The following SFTPA1 variants were observed in gnomAD, a reference collection of about 807,000 sequenced individuals.
SFTPA1 encodes the protein surfactant protein A1.
Under a neutral mutation model 19.1 loss-of-function variants are expected in SFTPA1, and 13 were observed. The observed-to-expected ratio is 0.68, with a 90% CI of 0.44 to 1.08. SFTPA1 has a LOEUF of 1.08. SFTPA1 is among the 50% of genes least tolerant of loss of function. The pLI is 0.00. For missense variants in SFTPA1, 259 were observed against 316.4 expected (o/e 0.82, Z 1.38); for synonymous variants, 101 against 117.0 (o/e 0.86, Z 0.88).
At position 79,611,338 on chromosome 10, in the gene SFTPA1, C is replaced by A. The variant is rs1431825802; in HGVS notation, c.-75C>A. 19 of 407,168 alleles carry A rather than the reference C, an allele frequency of 4.7e-5. No individual in the cohort carries two copies. In the East Asian group the frequency reaches 6.3e-4, roughly 14 times the overall value. 25.2% of individuals were successfully genotyped at this position (407,168 alleles called of 1,614,324 possible). On this transcript the variant is annotated 5_prime_UTR_variant, in exon 2 of 6. In the 5' UTR this introduces an upstream ATG that the reference lacks. Coordinates refer to ENST00000398636, the MANE Select transcript of SFTPA1 (RefSeq NM_005411.5). ...TCTCAGGTCGCTGATTTCTTGGAGC[C>A]TGAAAAGAAAGTAACACAGCAGGGA...
At chr10:79,612,020 C>T (rs1204156439) in intron 3 of SFTPA1, 23 bp downstream of exon 3, 8 of 1,611,730 alleles carry the variant, frequency 5.0e-6, no homozygotes, top group African/African-American at 2.7e-5. Flanking sequence ...AGACCCCACC[C>T]TCAGCTGAGG....
Position 79,615,099 on chromosome 10 carries a change from C to T in SFTPA1, c.*986C>T. 7.7e-7 allele frequency: 1 copy of T among 1,304,564 alleles called. No homozygotes were observed. Among genetic ancestry groups the T allele is most frequent in the Non-Finnish European group, 1.0e-6 (1 of 988,548 alleles). The allele number at this position is 1,304,564 out of a possible 1,614,324, so 80.8% of individuals were successfully genotyped here. On this transcript the variant is annotated 3_prime_UTR_variant, in exon 6 of 6. Coordinates refer to ENST00000398636, the MANE Select transcript of SFTPA1 (RefSeq NM_005411.5). ...ATACTTGTTGCTGTCACAGTTATTA[C>T]CATCCCCCCAGCTACCAAAATTACT...
At chr10:79,613,366 C>A (rs984527957) in intron 5 of SFTPA1, 100 bp downstream of exon 5, 59 of 1,543,012 alleles carry the variant, frequency 3.8e-5, no homozygotes, top group Non-Finnish European at 4.8e-5. Flanking sequence ...AATAGGCATG[C>A]ACATGCAGGT....
chr10:79,612,497 G>A (rs1859918582), intron 4 of SFTPA1, 66 bp downstream of exon 4: 3 of 1,601,920 alleles, frequency 1.9e-6, no homozygotes, highest in Admixed American at 1.7e-5. Flanking sequence ...CAGTTACACG[G>A]GGATGATGGG....
In SFTPA1 at chr10:79,611,326, A is replaced by T; in HGVS notation, c.-87A>T. 1 of 393,280 alleles carries T rather than the reference A, an allele frequency of 2.5e-6. No homozygotes were observed. The allele number at this position is 393,280 out of a possible 1,614,324, so 24.4% of individuals were successfully genotyped here. On this transcript the variant is annotated 5_prime_UTR_variant, in exon 2 of 6. Transcript: ENST00000398636. ...ATCTTTTTTCATTCTCAGGTCGCTG[A>T]TTTCTTGGAGCCTGAAAAGAAAGTA...
Position 79,611,662 on chromosome 10 carries a change from G to A in SFTPA1, c.-23-141G>A, listed in dbSNP as rs550980950. On this transcript the variant is annotated intron_variant, in intron 2 of 5. Coordinates refer to ENST00000398636, the MANE Select transcript of SFTPA1 (RefSeq NM_005411.5). Reference sequence around the variant, plus strand: ...GCCAGGTGATGCTGGGAATTTTCCCGGGAGCTTCGGGTCTTCCCAGCACTC... The same window carrying A: ...GCCAGGTGATGCTGGGAATTTTCCCAGGAGCTTCGGGTCTTCCCAGCACTC... 3.2e-6 allele frequency: 5 copies of A among 1,565,244 alleles called. No homozygotes were observed. The East Asian group carries it at 7.2e-5, about 22-fold the overall frequency.
In SFTPA1 at chr10:79,615,128, A is replaced by G. The variant is rs1860090798; in HGVS notation, c.*1015A>G. 1 of 1,298,016 alleles carries G rather than the reference A, an allele frequency of 7.7e-7. No homozygotes were observed. Among genetic ancestry groups the G allele is most frequent in the East Asian group, 5.5e-5 (1 of 18,022 alleles). 80.4% of individuals were successfully genotyped at this position (1,298,016 alleles called of 1,614,324 possible). On this transcript the variant is annotated 3_prime_UTR_variant, in exon 6 of 6. Coordinates refer to ENST00000398636, the MANE Select transcript of SFTPA1 (RefSeq NM_005411.5). ...CCCCCCAGCTACCAAAATTACTACC[A>G]GAACTGTTACTATACACAGAGGCTA...
intron 3 of SFTPA1, 36 bp downstream of exon 3, chr10:79,612,033 C>A (rs754138525): frequency 5.0e-6 from 8 of 1,610,156 alleles, no homozygotes; most frequent in Admixed American, 1.7e-5. Flanking sequence ...AGCTGAGGGA[C>A]ACAGACCCCT....
Position 79,611,787 on chromosome 10 carries a change from G to T in SFTPA1, c.-23-16G>T. ...GGCAGAGGTGGCAGATGGGCTCACG[G>T]CCATCCCTCCTGCAGGAGCAGCGAC... On this transcript the variant is annotated splice_polypyrimidine_tract_variant and intron_variant, in intron 2 of 5. Transcript: ENST00000398636. 1 of 1,613,964 alleles carries T rather than the reference G, an allele frequency of 6.2e-7. No individual in the cohort carries two copies. Among genetic ancestry groups the T allele is most frequent in the Non-Finnish European group, 8.5e-7 (1 of 1,179,866 alleles).
chr10:79,611,693 T>C (rs1360389957), intron 2 of SFTPA1, 110 bp from the exon 3 acceptor site: 20 of 1,594,968 alleles, frequency 1.3e-5, no homozygotes, highest in Non-Finnish European at 9.4e-6. Flanking sequence ...CACTCTGGTC[T>C]CGCCCGCCCT....
chr10:79,612,526 G>C (rs1323776464), intron 4 of SFTPA1, 95 bp downstream of exon 4: 2 of 1,573,970 alleles, frequency 1.3e-6, no homozygotes. Context: ...AAACCCTACA[G>C]GTTCCCCAAG....
Position 79,613,719 on chromosome 10 carries a change from G to T in SFTPA1, c.371-18G>T. 6.2e-7 allele frequency: 1 copy of T among 1,613,950 alleles called. No homozygotes were observed. Among genetic ancestry groups the T allele is most frequent in the South Asian group, 1.1e-5 (1 of 91,068 alleles). On this transcript the variant is annotated intron_variant, in intron 5 of 5. Transcript: ENST00000398636. ...GACAAAGTGGTCAGTGGCCTGACCCGGACTCCTCTGCTCTCAGCCCTCAGT... is the reference window on the plus strand; with the variant it reads ...GACAAAGTGGTCAGTGGCCTGACCCTGACTCCTCTGCTCTCAGCCCTCAGT...
Position 79,614,694 on chromosome 10 carries a change from A to C in SFTPA1, c.*581A>C. ...TTAGAAGGCCAGGTAGTGTTCCAGC[A>C]GGGTGGTGGCCAAGCCAACCCCATG... On this transcript the variant is annotated 3_prime_UTR_variant, in exon 6 of 6. Coordinates refer to ENST00000398636, the MANE Select transcript of SFTPA1 (RefSeq NM_005411.5). The C allele has an allele frequency of 3.5e-6, 1 of 289,608 alleles. No homozygotes were observed. Among genetic ancestry groups the C allele is most frequent in the Non-Finnish European group, 6.9e-6 (1 of 144,628 alleles). 17.9% of individuals were successfully genotyped at this position (289,608 alleles called of 1,614,324 possible).
At position 79,614,443 on chromosome 10, in the gene SFTPA1, C is replaced by T; in HGVS notation, c.*330C>T. 1 of 380,166 alleles carries T rather than the reference C, an allele frequency of 2.6e-6. No individual in the cohort carries two copies. The highest frequency in any genetic ancestry group is 5.0e-6 in the Non-Finnish European group (1 of 200,526). The allele number at this position is 380,166 out of a possible 1,614,324, so 23.5% of individuals were successfully genotyped here. Reference sequence around the variant, plus strand: ...CACTTACAGATGGCAGCAGTGAGGTCTTGGGGTAGAAGGACCCTCCAAAGT... The same window carrying T: ...CACTTACAGATGGCAGCAGTGAGGTTTTGGGGTAGAAGGACCCTCCAAAGT... On this transcript the variant is annotated 3_prime_UTR_variant, in exon 6 of 6. Coordinates refer to ENST00000398636, the MANE Select transcript of SFTPA1 (RefSeq NM_005411.5).
In SFTPA1 at chr10:79,614,796, C is replaced by T. The variant is rs1194372505; in HGVS notation, c.*683C>T. 2 of 377,296 alleles carry T rather than the reference C, an allele frequency of 5.3e-6. No individual in the cohort carries two copies. Among genetic ancestry groups the T allele is most frequent in the East Asian group, 1.5e-4 (2 of 13,522 alleles). The allele number at this position is 377,296 out of a possible 1,614,324, so 23.4% of individuals were successfully genotyped here. ...CTGACCTGAAGACAGCCAGCCTAGG[C>T]CTCTAGGGTGACCTAGAGCCGCCTT... On this transcript the variant is annotated 3_prime_UTR_variant, in exon 6 of 6. Coordinates refer to ENST00000398636, the MANE Select transcript of SFTPA1 (RefSeq NM_005411.5).
chr10:79,613,381 G>A, intron 5 of SFTPA1, 115 bp downstream of exon 5: 1 of 1,506,312 alleles, frequency 6.6e-7, no homozygotes, highest in South Asian at 1.1e-5. Context: ...GCAGGTCTTG[G>A]GGAAAGGAAT....
intron 3 of SFTPA1, 95 bp downstream of exon 3, chr10:79,612,092 G>C: frequency 6.3e-7 from 1 of 1,582,816 alleles, no homozygotes; most frequent in Non-Finnish European, 8.6e-7. Flanking sequence ...GCCATAGTGA[G>C]CTGGGGGCTA....
At chr10:79,612,893 C>G (rs1051207520) in intron 4 of SFTPA1, among the ~76,000 whole-genome samples, 1 of 114,320 alleles carries the variant, frequency 8.7e-6, no homozygotes, top group African/African-American at 3.0e-5. Flanking sequence ...GTGGAGGGTG[C>G]GGGAGAGGGA....
rs1860081400 is a variant in SFTPA1 at position 79,614,906 on chromosome 10, AC to A, written c.*795del. 1.5e-5 allele frequency: 16 copies of A among 1,078,904 alleles called. No homozygotes were observed. The South Asian group carries it at 2.2e-4, about 15-fold the overall frequency. 66.8% of individuals were successfully genotyped at this position (1,078,904 alleles called of 1,614,324 possible). ...AGTGGGCATTCACACCACCCCCCAC[AC>A]CACTGGCTCTGCTTTCTCCTTTCAT... On this transcript the variant is annotated 3_prime_UTR_variant, in exon 6 of 6. Coordinates refer to ENST00000398636, the MANE Select transcript of SFTPA1 (RefSeq NM_005411.5).
Sources: gnomAD v4.1 joint callset for allele counts (sites outside exome capture counted in the v4.1 genomes callset) on GRCh38, gnomAD v4.1.1 for gene constraint, MANE v1.5 for transcripts, NCBI Gene and HGNC (gene_info 2026-07-23, HGNC 2026-07-21) for gene names.